The following CAPN2 variants were observed in gnomAD, a reference collection of about 807,000 sequenced individuals.
The protein encoded by CAPN2 is calpain-2 catalytic subunit.
A neutral mutation model predicts 102.3 loss-of-function variants in CAPN2; 92 were observed. The ratio of observed to expected loss-of-function variants is 0.90; its 90% CI spans 0.76 to 1.07. The LOEUF is 1.07. CAPN2 is among the 50% of genes least tolerant of loss of function. CAPN2 has a pLI of 0.00. For synonymous variants in CAPN2, 340 were observed against 355.4 expected (o/e 0.96, Z 0.49); for missense variants, 800 against 909.4 (o/e 0.88, Z 1.55).
At chr1:223,737,616 C>T (rs1449896433) in intron 2 of CAPN2, among the ~76,000 whole-genome samples, 1 of 144,194 alleles carries the variant, frequency 6.9e-6, no homozygotes, top group African/African-American at 2.6e-5. Flanking sequence ...GGAGTGGGAG[C>T]TTTACAGTGA....
chr1:223,739,205 AC>A (rs1215772781), intron 2 of CAPN2, among the ~76,000 whole-genome samples: 2 of 128,434 alleles, frequency 1.6e-5, no homozygotes, highest in African/African-American at 2.8e-5. Context: ...TTTTTTTTAG[AC>A]AGAGTCTCAC....
chr1:223,708,978 C>A (rs552515855), upstream of CAPN2, among the ~76,000 whole-genome samples: 38 of 152,292 alleles, frequency 2.5e-4, no homozygotes, highest in African/African-American at 8.7e-4. Context: ...GAAAAAGATT[C>A]TTCTTTTCTA....
intron 2 of CAPN2, among the ~76,000 whole-genome samples, chr1:223,722,155 G>A (rs1660065269): frequency 6.6e-6 from 1 of 151,924 alleles, no homozygotes; most frequent in Non-Finnish European, 1.5e-5. Context: ...AAACTCAGAA[G>A]GAGAAACATA....
chr1:223,741,976 T>C (rs902454762), intron 2 of CAPN2, among the ~76,000 whole-genome samples: 1 of 152,076 alleles, frequency 6.6e-6, no homozygotes, highest in African/African-American at 2.4e-5. Context: ...CCGCTTACCA[T>C]AGATCTGTCA....
intron 2 of CAPN2, among the ~76,000 whole-genome samples, chr1:223,737,763 A>G (rs1660503489): frequency 6.7e-6 from 1 of 148,596 alleles, no homozygotes; most frequent in Non-Finnish European, 1.5e-5. Flanking sequence ...AAAAACAGTC[A>G]GTTCTAAAAG....
intron 20 of CAPN2, 168 bp downstream of exon 20, chr1:223,772,407 C>A (rs889195504): frequency 5.3e-6 from 3 of 571,120 alleles, no homozygotes; most frequent in Admixed American, 6.1e-5. Context: ...CTTTTACTTG[C>A]AGTTGTTTTC....
intron 1 of CAPN2, among the ~76,000 whole-genome samples, chr1:223,707,021 A>C (rs1571773453): frequency 6.6e-6 from 1 of 150,516 alleles, no homozygotes; most frequent in Admixed American, 6.7e-5. Flanking sequence ...CGGAGGTTGC[A>C]GTGAGCCGAG....
chr1:223,752,248 T>C (rs1178330591), intron 8 of CAPN2, among the ~76,000 whole-genome samples, 177 bp downstream of exon 8: 2 of 152,228 alleles, frequency 1.3e-5, no homozygotes, highest in African/African-American at 4.8e-5. Context: ...AAGAAATTCT[T>C]AAGCCCCTTC....
chr1:223,746,466 T>C (rs892813997), intron 4 of CAPN2, among the ~76,000 whole-genome samples: 1 of 147,844 alleles, frequency 6.8e-6, no homozygotes, highest in African/African-American at 2.6e-5. Flanking sequence ...TCTAAGGTTC[T>C]ACGAGAATCT....
chr1:223,709,670 AAAAG>A (rs963479220), upstream of CAPN2, among the ~76,000 whole-genome samples: 3 of 152,078 alleles, frequency 2.0e-5, no homozygotes, highest in African/African-American at 7.2e-5. Flanking sequence ...TCAAAAAAAA[AAAAG>A]AGTCCATTTA....
intron 1 of CAPN2, among the ~76,000 whole-genome samples, chr1:223,707,012 G>A (rs1278702548): frequency 2.0e-5 from 3 of 151,068 alleles, no homozygotes; most frequent in South Asian, 2.1e-4. Flanking sequence ...CCCGGGAGGC[G>A]GAGGTTGCAG....
intron 14 of CAPN2, among the ~76,000 whole-genome samples, chr1:223,762,711 C>T (rs1661218795): frequency 6.6e-6 from 1 of 152,106 alleles, no homozygotes. Context: ...GACAGGGTCT[C>T]TCTCTGTCAC....
At chr1:223,728,365 C>G (rs1660250970) in intron 2 of CAPN2, among the ~76,000 whole-genome samples, 1 of 152,158 alleles carries the variant, frequency 6.6e-6, no homozygotes, top group South Asian at 2.1e-4. Flanking sequence ...CTTTTGTGGT[C>G]TCCCCATCAC....
upstream of CAPN2, among the ~76,000 whole-genome samples, chr1:223,710,821 A>T (rs999635533): frequency 1.3e-4 from 3 of 23,528 alleles, no homozygotes; most frequent in South Asian, 5.0e-3. Context: ...CTACCCACCC[A>T]CCACCCCCCG....
intron 16 of CAPN2, among the ~76,000 whole-genome samples, chr1:223,767,327 C>T (rs1216837304): frequency 4.8e-5 from 7 of 144,802 alleles, no homozygotes; most frequent in Non-Finnish European, 7.6e-5. Flanking sequence ...CTCCCAATGC[C>T]ATCCCTCCCC....
At chr1:223,744,721 C>T (rs758705841) in intron 3 of CAPN2, among the ~76,000 whole-genome samples, 3 of 151,750 alleles carry the variant, frequency 2.0e-5, no homozygotes, top group African/African-American at 4.8e-5. Context: ...ATCAGTTGGG[C>T]GTAGTAGTGC....
At chr1:223,771,978 G>C in intron 19 of CAPN2, 53 bp downstream of exon 19, 1 of 1,340,520 alleles carries the variant, frequency 7.5e-7, no homozygotes, top group Non-Finnish European at 1.1e-6. Flanking sequence ...TATTAAAGTG[G>C]CCTGCCTTTC....
At chr1:223,753,040 C>G in intron 9 of CAPN2, 84 bp downstream of exon 9, 2 of 1,324,836 alleles carry the variant, frequency 1.5e-6, no homozygotes, top group Admixed American at 3.7e-5. Flanking sequence ...GTGTACCACA[C>G]CCCAGCCTAG....
At position 223,754,488 on chromosome 1, in the gene CAPN2, G is replaced by A. The variant is rs1189298633; in HGVS notation, c.1136-992G>A. ...AACCCAAAGGCAGCCATACTTAAGC[G>A]AATGGCCGTGGCTACGTTCCAATAA... is the stretch of plus-strand genomic sequence containing the variant. On this transcript the variant is annotated intron_variant, in intron 9 of 20. Transcript: ENST00000295006. This position sits in a 1 kb window ranked among gnomAD's most constrained non-coding sequence, Gnocchi z 4.7. 6.6e-6 allele frequency among the ~76,000 whole-genome samples: 1 copy of A among 152,186 alleles called. No homozygotes were observed. Among genetic ancestry groups the A allele is most frequent in the African/African-American group, 2.4e-5 (1 of 41,454 alleles).
Sources: gnomAD v4.1 joint callset for allele counts (sites outside exome capture counted in the v4.1 genomes callset) on GRCh38, gnomAD v4.1.1 for gene constraint, Gnocchi (gnomAD v3.1) non-coding constraint, MANE v1.5 for transcripts, NCBI Gene and HGNC (gene_info 2026-07-23, HGNC 2026-07-21) for gene names.